SRGAP1: variants seen among roughly 807,000 people sequenced by gnomAD.
SRGAP1 encodes the protein SLIT-ROBO Rho GTPase activating protein 1.
In SRGAP1, 43 loss-of-function variants were observed where a neutral mutation model predicts 121.9. The observed-to-expected ratio is 0.35, with a 90% CI of 0.28 to 0.46. The LOEUF (loss-of-function observed/expected upper bound fraction) is 0.46, where lower values mean the gene tolerates loss of function less well. Among genes scored for constraint, SRGAP1 ranks in the 20% least tolerant of loss-of-function variants. The pLI, the probability that SRGAP1 is intolerant of heterozygous loss-of-function variation, is 1.00. For synonymous variants in SRGAP1, 447 were observed against 485.4 expected (o/e 0.92, Z 1.04); for missense variants, 1,102 against 1,350.9 (o/e 0.82, Z 2.89).
rs750351170 is a variant in SRGAP1 at position 64,150,934 on chromosome 12, C to CAAAAAAAAAAAAAAAAAAAAAA, written c.*8267_*8288dup. ...TGGGTGGAAGAGTGAGAAGCTATCTCAAAAAAAAAAAAAAAAAAAAAAAAA... is the reference window on the plus strand; with the variant it reads ...TGGGTGGAAGAGTGAGAAGCTATCTCAAAAAAAAAAAAAAAAAAAAAAAAAAAAAAAAAAAAAAAAAAAAAAA... On this transcript the variant is annotated 3_prime_UTR_variant, in exon 22 of 22. Transcript: ENST00000355086. 12 of 24,718 alleles carry CAAAAAAAAAAAAAAAAAAAAAA rather than the reference C, an allele frequency of 4.9e-4. 2 individuals carry two copies. The highest frequency in any genetic ancestry group is 1.0e-3 in the Non-Finnish European group (10 of 9,648). 1.5% of individuals were successfully genotyped at this position (24,718 alleles called of 1,614,324 possible).
chr12:64,079,980 C>T (rs191242057), intron 9 of SRGAP1, among the ~76,000 whole-genome samples: 26 of 152,220 alleles, frequency 1.7e-4, no homozygotes, highest in Admixed American at 1.0e-3. Context: ...CAGTGGCTCA[C>T]GCCTGTAATC....
intron 6 of SRGAP1, among the ~76,000 whole-genome samples, chr12:64,049,808 A>C (rs565751834): frequency 6.6e-6 from 1 of 152,250 alleles, no homozygotes; most frequent in African/African-American, 2.4e-5. Context: ...TTGTAGTATA[A>C]TTGAAATTAG....
In SRGAP1 at chr12:64,097,461, A is replaced by C. The variant is rs2036180482; in HGVS notation, c.1813+86A>C. 3.7e-6 allele frequency: 5 copies of C among 1,354,606 alleles called. No homozygotes were observed. The African/African-American group carries it at 4.5e-5, about 12-fold the overall frequency. The allele number at this position is 1,354,606 out of a possible 1,614,324, so 83.9% of individuals were successfully genotyped here. A position where few individuals can be genotyped will look rare whatever the true frequency, so the allele number is the denominator to read the frequency against. ...AAAAGGCAGTGGCCCCCCTCCATACACCCCCACCCCCATTACCCCATTACC... is the reference window on the plus strand; with the variant it reads ...AAAAGGCAGTGGCCCCCCTCCATACCCCCCCACCCCCATTACCCCATTACC... On this transcript the variant is annotated intron_variant, in intron 15 of 21. Transcript: ENST00000355086.
chr12:64,131,291 T>G (rs972140703), intron 21 of SRGAP1, among the ~76,000 whole-genome samples: 5 of 152,216 alleles, frequency 3.3e-5, no homozygotes, highest in Non-Finnish European at 5.9e-5. Flanking sequence ...CACATACCTC[T>G]TCCACAAATT....
intron 1 of SRGAP1, among the ~76,000 whole-genome samples, chr12:63,979,038 CT>C (rs34235730): frequency 0.013 from 1,095 of 82,138 alleles, 3 homozygotes; most frequent in African/African-American, 0.045. Flanking sequence ...ACCCTTTGAC[CT>C]TTTTTTTTTT....
intron 2 of SRGAP1, among the ~76,000 whole-genome samples, chr12:63,986,607 GA>G (rs1462603397): frequency 6.6e-6 from 1 of 152,180 alleles, no homozygotes; most frequent in Non-Finnish European, 1.5e-5. Context: ...ATTTTTACTA[GA>G]GACAGGGTTT....
At position 64,148,863 on chromosome 12, in the gene SRGAP1, T is replaced by C. The variant is rs1246452284; in HGVS notation, c.*6191T>C. The C allele has an allele frequency of 1.3e-5, 2 of 152,260 alleles. No homozygotes were observed. Among genetic ancestry groups the C allele is most frequent in the African/African-American group, 2.4e-5 (1 of 41,468 alleles). The allele number at this position is 152,260 out of a possible 1,614,324, so 9.4% of individuals were successfully genotyped here. ...ACATTATCAGCATCCCAGAAGCTAC[T>C]GTGCTCATGCCTCTGTGAATGTATC... On this transcript the variant is annotated 3_prime_UTR_variant, in exon 22 of 22. Coordinates refer to ENST00000355086, the MANE Select transcript of SRGAP1 (RefSeq NM_020762.4).
chr12:63,871,473 A>G (rs1899852498), intron 1 of SRGAP1, among the ~76,000 whole-genome samples: 1 of 151,856 alleles, frequency 6.6e-6, no homozygotes, highest in African/African-American at 2.4e-5. Flanking sequence ...GGGCAATGTA[A>G]CCCTCCGTAG....
intron 3 of SRGAP1, among the ~76,000 whole-genome samples, chr12:64,002,900 G>A (rs1375277297): frequency 6.6e-6 from 1 of 151,824 alleles, no homozygotes; most frequent in Non-Finnish European, 1.5e-5. Context: ...AAATTACTCA[G>A]CATACAAAGA....
chr12:63,872,010 T>A, intron 1 of SRGAP1: 3 of 883,812 alleles, frequency 3.4e-6, no homozygotes, highest in Non-Finnish European at 5.8e-6. Flanking sequence ...AGGTGATGCT[T>A]ACAAAGGTTC....
chr12:64,117,913 C>T (rs2036548231), intron 18 of SRGAP1, among the ~76,000 whole-genome samples: 1 of 152,200 alleles, frequency 6.6e-6, no homozygotes. Context: ...TTCATCCATG[C>T]TGTCACATAT....
intron 14 of SRGAP1, 103 bp from the exon 15 acceptor site, chr12:64,097,138 A>G (rs2136593784): frequency 8.6e-7 from 1 of 1,157,976 alleles, no homozygotes; most frequent in Non-Finnish European, 1.2e-6. Context: ...AGCATAATTA[A>G]AAGATACATG....
intron 3 of SRGAP1, among the ~76,000 whole-genome samples, chr12:64,004,673 T>G (rs368893372): frequency 2.0e-5 from 3 of 152,250 alleles, no homozygotes; most frequent in African/African-American, 7.2e-5. Context: ...CTCGGCCCAA[T>G]AAAGTTCATT....
chr12:64,037,087 C>G (rs1312640648), intron 4 of SRGAP1, among the ~76,000 whole-genome samples: 5 of 152,160 alleles, frequency 3.3e-5, no homozygotes, highest in African/African-American at 1.2e-4. Flanking sequence ...GAACACTTAG[C>G]CATAGGTGAG....
chr12:63,945,179 A>C (rs777623344), intron 1 of SRGAP1, among the ~76,000 whole-genome samples: 22 of 150,646 alleles, frequency 1.5e-4, no homozygotes, highest in Non-Finnish European at 3.1e-4. Context: ...TTTACTTTTA[A>C]CTCTTTCTTG....
chr12:64,057,487 T>TA (rs1393653652), intron 6 of SRGAP1, among the ~76,000 whole-genome samples: 1 of 152,208 alleles, frequency 6.6e-6, no homozygotes, highest in Admixed American at 6.5e-5. Flanking sequence ...AAGAGGTAGT[T>TA]ATGCAGAAGA....
rs184172628 is a variant in SRGAP1, at chr12:64,145,243, A to T, written c.*2571A>T. ...AAGGGCCAGAGGTGTCTTTGAATTT[A>T]TTTTTTTTCAATGTCTTTTCTGAGC... On this transcript the variant is annotated 3_prime_UTR_variant, in exon 22 of 22. Transcript: ENST00000355086. 6.6e-6 allele frequency: 1 copy of T among 151,922 alleles called. No individual in the cohort carries two copies. Among genetic ancestry groups the T allele is most frequent in the Non-Finnish European group, 1.5e-5 (1 of 67,986 alleles). The allele number at this position is 151,922 out of a possible 1,614,324, so 9.4% of individuals were successfully genotyped here. A position where few individuals can be genotyped will look rare whatever the true frequency, so the allele number is the denominator to read the frequency against.
chr12:63,865,186 G>T (rs1899583222), intron 1 of SRGAP1, among the ~76,000 whole-genome samples: 1 of 152,160 alleles, frequency 6.6e-6, no homozygotes, highest in Admixed American at 6.5e-5. Flanking sequence ...GCAGGGCACG[G>T]TGGCTCACTC....
At chr12:64,111,452 A>G (rs565587635) in intron 16 of SRGAP1, among the ~76,000 whole-genome samples, 104 of 152,304 alleles carry the variant, frequency 6.8e-4, no homozygotes, top group Admixed American at 1.7e-3. Flanking sequence ...CTTGAGGAAC[A>G]TTTAGAGCTT....
Sources: gnomAD v4.1 joint callset for allele counts (sites outside exome capture counted in the v4.1 genomes callset) on GRCh38, gnomAD v4.1.1 for gene constraint, MANE v1.5 for transcripts, NCBI Gene and HGNC (gene_info 2026-07-23, HGNC 2026-07-21) for gene names.